Variants in CWF19L2 observed in about 807,000 individuals in gnomAD.
CWF19L2 encodes CWF19 like cell cycle control factor 2, also known as CWF19-like protein 2.
Under a neutral mutation model 111.7 loss-of-function variants are expected in CWF19L2, and 98 were observed. The ratio of observed to expected loss-of-function variants is 0.88; its 90% CI spans 0.75 to 1.04. CWF19L2 has a LOEUF of 1.04. Ranked by LOEUF, CWF19L2 falls within the 50% of genes least tolerant of loss-of-function variation. The pLI, the probability that CWF19L2 is intolerant of heterozygous loss-of-function variation, is 0.00. For synonymous variants in CWF19L2, 351 were observed against 342.9 expected (o/e 1.02, Z -0.26); for missense variants, 1,101 against 1,051.4 (o/e 1.05, Z -0.65).
chr11:107,430,460 C>T (rs2135410745), intron 7 of CWF19L2, among the ~76,000 whole-genome samples: 1 of 152,080 alleles, frequency 6.6e-6, no homozygotes, highest in South Asian at 2.1e-4. Flanking sequence ...CAAAGAAAAT[C>T]ATTTTCAAAA....
At chr11:107,342,238 CA>C (rs1214918554) in intron 14 of CWF19L2, among the ~76,000 whole-genome samples, 3 of 151,932 alleles carry the variant, frequency 2.0e-5, no homozygotes, top group Non-Finnish European at 4.4e-5. Context: ...GTTGTAATTT[CA>C]TTGTAATTCA....
chr11:107,359,021 G>T (rs910244326), intron 12 of CWF19L2, among the ~76,000 whole-genome samples: 2 of 152,106 alleles, frequency 1.3e-5, no homozygotes, highest in South Asian at 4.1e-4. Context: ...TATGTCATTA[G>T]CTACTCCTAT....
At chr11:107,415,345 A>T (rs1861210782) in intron 10 of CWF19L2, among the ~76,000 whole-genome samples, 1 of 152,142 alleles carries the variant, frequency 6.6e-6, no homozygotes, top group Non-Finnish European at 1.5e-5. Flanking sequence ...CAAGCCACCA[A>T]CCCACCTGTC....
At position 107,370,464 on chromosome 11, in the gene CWF19L2, T is replaced by G. The variant is rs1384105017; in HGVS notation, c.1873-16728A>C. 1.5e-5 allele frequency among the ~76,000 whole-genome samples: 2 copies of G among 136,178 alleles called. 1 individual carries two copies. Among genetic ancestry groups the G allele is most frequent in the Non-Finnish European group, 3.1e-5 (2 of 63,898 alleles). 89.3% of individuals were successfully genotyped at this position (136,178 alleles called of 152,430 possible). The stretch of plus-strand genomic sequence containing the variant: ...GTCTTCTTTGTTCCTCACAAAAGAT[T>G]TGAGAATTAAAACTAACATATTAGA... On this transcript the variant is annotated intron_variant, in intron 12 of 17. Coordinates refer to ENST00000282251, the MANE Select transcript of CWF19L2 (RefSeq NM_152434.3).
At chr11:107,396,709 C>T (rs913845068) in intron 10 of CWF19L2, among the ~76,000 whole-genome samples, 1 of 152,154 alleles carries the variant, frequency 6.6e-6, no homozygotes, top group Non-Finnish European at 1.5e-5. Flanking sequence ...GAGCAGCATG[C>T]AGGGGCTTGC....
chr11:107,442,830 G>GAT, intron 4 of CWF19L2, 109 bp downstream of exon 4: 2 of 528,196 alleles, frequency 3.8e-6, no homozygotes, highest in South Asian at 2.2e-5. Context: ...GGGAGGGAGG[G>GAT]AGAGAGGGAC....
chr11:107,448,568 G>T (rs1861734428), intron 3 of CWF19L2, among the ~76,000 whole-genome samples: 1 of 152,026 alleles, frequency 6.6e-6, no homozygotes, highest in South Asian at 2.1e-4. Flanking sequence ...GATGGAAACT[G>T]TAAACTCACA....
chr11:107,403,438 T>A (rs1591185361), intron 10 of CWF19L2: 13 of 776,300 alleles, frequency 1.7e-5, no homozygotes, highest in South Asian at 1.6e-4. Context: ...GATCTGTCGG[T>A]GGCTCTTCCA....
intron 10 of CWF19L2, among the ~76,000 whole-genome samples, chr11:107,402,873 G>GTGTGTGTATGTATATATATATA (rs1247886311): frequency 1.1e-5 from 1 of 94,468 alleles, no homozygotes; most frequent in Non-Finnish European, 2.0e-5. Flanking sequence ...ACTGTGGTGT[G>GTGTGTGTATGTATATATATATA]TATATATATA....
At chr11:107,426,537 G>C (rs1861379312) in intron 8 of CWF19L2, among the ~76,000 whole-genome samples, 1 of 151,752 alleles carries the variant, frequency 6.6e-6, no homozygotes, top group African/African-American at 2.4e-5. Context: ...TTGTTTCTTA[G>C]AGCAACAAAG....
chr11:107,457,289 C>T (rs1861868551), intron 1 of CWF19L2, among the ~76,000 whole-genome samples: 1 of 152,136 alleles, frequency 6.6e-6, no homozygotes, highest in Non-Finnish European at 1.5e-5. Flanking sequence ...AAATGTCAAA[C>T]TGAGTCTATT....
intron 3 of CWF19L2, among the ~76,000 whole-genome samples, chr11:107,448,640 C>G (rs768642819): frequency 2.0e-5 from 3 of 152,106 alleles, no homozygotes; most frequent in Non-Finnish European, 4.4e-5. Flanking sequence ...TGTCCCCCAC[C>G]AAATTCTTAT....
intron 8 of CWF19L2, among the ~76,000 whole-genome samples, chr11:107,424,335 C>T (rs1380866247): frequency 6.6e-6 from 1 of 151,692 alleles, no homozygotes; most frequent in African/African-American, 2.4e-5. Flanking sequence ...AAAAAGGATA[C>T]TGACTCTTTT....
At chr11:107,361,197 T>A (rs7124763) in intron 12 of CWF19L2, among the ~76,000 whole-genome samples, 33,248 of 152,178 alleles carry the variant, frequency 0.22, 3,882 homozygotes, top group African/African-American at 0.3. Context: ...CCAGCACCAT[T>A]TACTGAAAAG....
At chr11:107,405,598 A>G (rs1189942310) in intron 10 of CWF19L2, among the ~76,000 whole-genome samples, 2 of 152,172 alleles carry the variant, frequency 1.3e-5, no homozygotes, top group South Asian at 2.1e-4. Context: ...AAAAAACTAG[A>G]CAACAGGACA....
intron 6 of CWF19L2, among the ~76,000 whole-genome samples, chr11:107,434,438 T>C (rs1231145758): frequency 2.0e-5 from 3 of 150,492 alleles, no homozygotes; most frequent in Non-Finnish European, 4.5e-5. Flanking sequence ...AATTACTTAA[T>C]AAAAATTCTG....
chr11:107,348,176 C>T (rs1250074201), intron 14 of CWF19L2, among the ~76,000 whole-genome samples: 1 of 152,140 alleles, frequency 6.6e-6, no homozygotes, highest in Non-Finnish European at 1.5e-5. Flanking sequence ...AACATCTCTT[C>T]TTTTGACATA....
chr11:107,349,153 C>G, intron 13 of CWF19L2, 100 bp from the exon 14 acceptor site: 1 of 445,244 alleles, frequency 2.2e-6, no homozygotes, highest in Non-Finnish European at 3.9e-6. Context: ...AGATGAGCCC[C>G]TAGTAGAAAA....
chr11:107,390,213 T>A lies in CWF19L2; in HGVS notation c.1735-2A>T. The A allele has an allele frequency of 6.3e-7, 1 of 1,587,016 alleles. No homozygotes were observed. The highest frequency in any genetic ancestry group is 1.4e-5 in the African/African-American group (1 of 73,744). On this transcript the variant is annotated splice_acceptor_variant, in intron 11 of 17. Transcript: ENST00000282251. LOFTEE classifies it high-confidence loss of function. ...TTCTCTTTCCTCATGGGTTGAAACC[T>A]ATGACAAAATGAACATTATTAATTT...
Sources: allele counts gnomAD v4.1 joint callset (sites outside exome capture counted in the v4.1 genomes callset), GRCh38; gene constraint gnomAD v4.1.1; transcripts MANE v1.5; gene names NCBI Gene and HGNC (gene_info 2026-07-23, HGNC 2026-07-21).